The following NPTX1 variants were observed in gnomAD, a reference collection of about 807,000 sequenced individuals.
NPTX1 encodes the protein neuronal pentraxin-1.
In NPTX1, 12 loss-of-function variants were observed where a neutral mutation model predicts 38.7. That is an observed-to-expected ratio of 0.31 (90% CI 0.20 to 0.50). The LOEUF (loss-of-function observed/expected upper bound fraction) is 0.50, where lower values mean the gene tolerates loss of function less well. Ranked by LOEUF, NPTX1 falls within the 20% of genes least tolerant of loss-of-function variation. NPTX1 has a pLI of 0.98. For synonymous variants in NPTX1, 272 were observed against 264.9 expected (o/e 1.03, Z -0.26); for missense variants, 454 against 592.2 (o/e 0.77, Z 2.42).
chr17:80,476,234 G>A lies in NPTX1; in HGVS notation c.213C>T (p.Thr71=). 1 of 1,571,944 alleles carries A rather than the reference G, an allele frequency of 6.4e-7. No homozygotes were observed. Among genetic ancestry groups the A allele is most frequent in the Non-Finnish European group, 8.6e-7 (1 of 1,166,426 alleles). ...LRETVLQQKE[T]ILSQKETIRE... is the part of the protein sequence containing the mutation. ...GGATGGTCTCCTTCTGGCTCAGGATGGTCTCCTTCTGCTGCAGCACCGTCT... is the reference window on the plus strand; with the variant it reads ...GGATGGTCTCCTTCTGGCTCAGGATAGTCTCCTTCTGCTGCAGCACCGTCT... The change falls in exon 1 of 5, where the codon ACC becomes ACT. Residue 71 remains threonine, a synonymous_variant. Coordinates refer to ENST00000306773, the MANE Select transcript of NPTX1 (RefSeq NM_002522.4). This position sits in a 1 kb window ranked among gnomAD's most constrained non-coding sequence, Gnocchi z 6.3.
intron 2 of NPTX1, chr17:80,474,246 GC>G (rs2143047421): frequency 1.3e-5 from 2 of 152,292 alleles, no homozygotes; most frequent in East Asian, 3.9e-4. Flanking sequence ...CTCCCCACCG[GC>G]CACTTCTCCC....
chr17:80,473,336 G>C lies in NPTX1; in HGVS notation c.761C>G (p.Thr254Ser). The C allele has an allele frequency of 6.2e-7, 1 of 1,614,126 alleles. No individual in the cohort carries two copies. Among genetic ancestry groups the C allele is most frequent in the Non-Finnish European group, 8.5e-7 (1 of 1,180,032 alleles). The change falls in exon 3 of 5, where the codon ACT (threonine) becomes AGT (serine). Residue 254 changes from threonine to serine, a missense_variant. Coordinates refer to ENST00000306773, the MANE Select transcript of NPTX1 (RefSeq NM_002522.4). ...KKSLPEMYAF[T>S]VCMWLKSSAT... ...GCTGGACTTGAGCCACATGCAGACAGTGAAGGCGTACATCTCTGGCAGGCT... is the reference window on the plus strand; with the variant it reads ...GCTGGACTTGAGCCACATGCAGACACTGAAGGCGTACATCTCTGGCAGGCT...
chr17:80,469,275 G>A lies in NPTX1; in HGVS notation c.*1538C>T, dbSNP rs1321500490. 6.6e-6 allele frequency: 1 copy of A among 152,324 alleles called. No homozygotes were observed. Among genetic ancestry groups the A allele is most frequent in the Non-Finnish European group, 1.5e-5 (1 of 68,034 alleles). The allele number at this position is 152,324 out of a possible 1,614,324, so 9.4% of individuals were successfully genotyped here. On this transcript the variant is annotated 3_prime_UTR_variant, in exon 5 of 5. Coordinates refer to ENST00000306773, the MANE Select transcript of NPTX1 (RefSeq NM_002522.4). The stretch of plus-strand genomic sequence containing the variant: ...TGATGAGACTCCTGGAGACAGAGTC[G>A]GGGTGCCCTCAGGGCGTGCGACCAC...
At position 80,469,217 on chromosome 17, in the gene NPTX1, T is replaced by C. The variant is rs2083824467; in HGVS notation, c.*1596A>G. Reference sequence around the variant, plus strand: ...GCTGCAGCTGAGCCAGGCAGTGCAGTAGAATTTCTAGAAAGACTTGTCAGC... The same window carrying C: ...GCTGCAGCTGAGCCAGGCAGTGCAGCAGAATTTCTAGAAAGACTTGTCAGC... On this transcript the variant is annotated 3_prime_UTR_variant, in exon 5 of 5. Transcript: ENST00000306773. 1 of 152,416 alleles carries C rather than the reference T, an allele frequency of 6.6e-6. No individual in the cohort carries two copies. Among genetic ancestry groups the C allele is most frequent in the Admixed American group, 6.5e-5 (1 of 15,272 alleles). The allele number at this position is 152,416 out of a possible 1,614,324, so 9.4% of individuals were successfully genotyped here.
rs1441594819 is a variant in NPTX1, at chr17:80,470,276, C to T, written c.*537G>A. ...ACAAACCACTAAAAGACATTTATTA[C>T]ATCAATATAAAGATATGTCGCTCTG... On this transcript the variant is annotated 3_prime_UTR_variant, in exon 5 of 5. Coordinates refer to ENST00000306773, the MANE Select transcript of NPTX1 (RefSeq NM_002522.4). The T allele has an allele frequency of 6.6e-6, 1 of 152,298 alleles. No homozygotes were observed. Among genetic ancestry groups the T allele is most frequent in the African/African-American group, 2.4e-5 (1 of 41,408 alleles). The allele number at this position is 152,298 out of a possible 1,614,324, so 9.4% of individuals were successfully genotyped here. A position where few individuals can be genotyped will look rare whatever the true frequency, so the allele number is the denominator to read the frequency against.
intron 4 of NPTX1, 35 bp downstream of exon 4, chr17:80,471,697 C>T: frequency 6.3e-7 from 1 of 1,583,150 alleles, no homozygotes; most frequent in Non-Finnish European, 8.6e-7. Context: ...GGTTCTGAAG[C>T]TCTCTCCCCT....
Position 80,476,513 on chromosome 17 carries a change from G to A in NPTX1, c.-67C>T, listed in dbSNP as rs2083884422. 3.1e-6 allele frequency: 3 copies of A among 959,230 alleles called. No individual in the cohort carries two copies. The highest frequency in any genetic ancestry group is 3.8e-6 in the Non-Finnish European group (3 of 786,530). The allele number at this position is 959,230 out of a possible 1,614,324, so 59.4% of individuals were successfully genotyped here. A position where few individuals can be genotyped will look rare whatever the true frequency, so the allele number is the denominator to read the frequency against. ...TGGGGCTCGGCTCCGGCTGGGACCC[G>A]GCTCGGGCTGTGGCTCCGCGAGCGG... is the stretch of plus-strand genomic sequence containing the variant. On this transcript the variant is annotated 5_prime_UTR_variant, in exon 1 of 5. Coordinates refer to ENST00000306773, the MANE Select transcript of NPTX1 (RefSeq NM_002522.4). This position sits in a 1 kb window ranked among gnomAD's most constrained non-coding sequence, Gnocchi z 6.3.
In NPTX1 at chr17:80,470,633, G is replaced by A. The variant is rs1363245000; in HGVS notation, c.*180C>T. 1 of 555,216 alleles carries A rather than the reference G, an allele frequency of 1.8e-6. No homozygotes were observed. The highest frequency in any genetic ancestry group is 3.2e-6 in the Non-Finnish European group (1 of 310,066). 34.4% of individuals were successfully genotyped at this position (555,216 alleles called of 1,614,324 possible). ...GAGAAGTGGGGCTTCCTCAGGGACAGATGGGAGCAGGGGCTGCTTCGTGTG... is the reference window on the plus strand; with the variant it reads ...GAGAAGTGGGGCTTCCTCAGGGACAAATGGGAGCAGGGGCTGCTTCGTGTG... On this transcript the variant is annotated 3_prime_UTR_variant, in exon 5 of 5. Transcript: ENST00000306773.
chr17:80,470,096 C>T lies in NPTX1; in HGVS notation c.*717G>A, dbSNP rs1164867211. Reference sequence around the variant, plus strand: ...ACAGCAGGGATGGATGCTGTCTGGCCCTGGGGTAAGGGCCAGTGTCCTCAG... The same window carrying T: ...ACAGCAGGGATGGATGCTGTCTGGCTCTGGGGTAAGGGCCAGTGTCCTCAG... On this transcript the variant is annotated 3_prime_UTR_variant, in exon 5 of 5. Coordinates refer to ENST00000306773, the MANE Select transcript of NPTX1 (RefSeq NM_002522.4). The T allele has an allele frequency of 1.3e-5, 2 of 152,230 alleles. No individual in the cohort carries two copies. Among genetic ancestry groups the T allele is most frequent in the African/African-American group, 4.8e-5 (2 of 41,454 alleles). The allele number at this position is 152,230 out of a possible 1,614,324, so 9.4% of individuals were successfully genotyped here.
chr17:80,476,573 G>A lies in NPTX1; in HGVS notation c.-127C>T, dbSNP rs1237143281. 10 of 328,708 alleles carry A rather than the reference G, an allele frequency of 3.0e-5. No homozygotes were observed. Among genetic ancestry groups the A allele is most frequent in the Non-Finnish European group, 3.9e-5 (9 of 228,312 alleles). The allele number at this position is 328,708 out of a possible 1,614,324, so 20.4% of individuals were successfully genotyped here. A position where few individuals can be genotyped will look rare whatever the true frequency, so the allele number is the denominator to read the frequency against. ...TGGGCGCCGCGCTCTTCGGCCGCGC[G>A]GTCCACACCGCCGCGCTATCAGGCC... On this transcript the variant is annotated 5_prime_UTR_variant, in exon 1 of 5. Coordinates refer to ENST00000306773, the MANE Select transcript of NPTX1 (RefSeq NM_002522.4). The surrounding 1 kb of genome is among the most constrained non-coding windows in gnomAD (Gnocchi z 6.3).
At position 80,476,149 on chromosome 17, in the gene NPTX1, C is replaced by T. The variant is rs1308435044; in HGVS notation, c.298G>A (p.Gly100Ser). 1 of 1,594,470 alleles carries T rather than the reference C, an allele frequency of 6.3e-7. No homozygotes were observed. The highest frequency in any genetic ancestry group is 1.7e-5 in the Admixed American group (1 of 58,806). The change falls in exon 1 of 5, where the codon GGC becomes AGC. Residue 100 changes from glycine to serine, a missense_variant. By Grantham distance (56) the Gly-to-Ser change is moderately conservative. Transcript: ENST00000306773. The surrounding 1 kb of genome is among the most constrained non-coding windows in gnomAD (Gnocchi z 6.3). ...CGGCCGCCGCCCGCCCGGGCCTCGCCGGCTCCGGGGTCCAGCGTGCTCTGG... is the reference window on the plus strand; with the variant it reads ...CGGCCGCCGCCCGCCCGGGCCTCGCTGGCTCCGGGGTCCAGCGTGCTCTGG... ...ESQSTLDPGAGEARAGGGRKQ... is the reference protein window; with the variant it reads ...ESQSTLDPGASEARAGGGRKQ...
Position 80,475,848 on chromosome 17 carries a change from G to A in NPTX1, c.445-130C>T. Reference sequence around the variant, plus strand: ...TGGCAGGGAGCTGGGGCGAGTGGCCGCCGCGGGGCCTCGCAGGCGCGGGGA... The same window carrying A: ...TGGCAGGGAGCTGGGGCGAGTGGCCACCGCGGGGCCTCGCAGGCGCGGGGA... On this transcript the variant is annotated intron_variant, in intron 1 of 4. Coordinates refer to ENST00000306773, the MANE Select transcript of NPTX1 (RefSeq NM_002522.4). This position sits in a 1 kb window ranked among gnomAD's most constrained non-coding sequence, Gnocchi z 6.5. The A allele has an allele frequency of 3.6e-6, 3 of 837,350 alleles. No homozygotes were observed. The highest frequency in any genetic ancestry group is 5.0e-6 in the Non-Finnish European group (3 of 594,706). 51.9% of individuals were successfully genotyped at this position (837,350 alleles called of 1,614,324 possible). A position where few individuals can be genotyped will look rare whatever the true frequency, so the allele number is the denominator to read the frequency against.
intron 2 of NPTX1, 94 bp from the exon 3 acceptor site, chr17:80,473,538 G>A: frequency 1.6e-6 from 2 of 1,277,924 alleles, no homozygotes; most frequent in Non-Finnish European, 2.2e-6. Context: ...GTGATGCGTG[G>A]CCAGGGCAGG....
chr17:80,475,945 G>A lies in NPTX1; in HGVS notation c.444+58C>T. ...CTGGCCGGGTAGGGAACGGGGTGGG[G>A]GAGGGCAGAGGGGCGAGCGAGCCGG... On this transcript the variant is annotated intron_variant, in intron 1 of 4. Coordinates refer to ENST00000306773, the MANE Select transcript of NPTX1 (RefSeq NM_002522.4). The surrounding 1 kb of genome is among the most constrained non-coding windows in gnomAD (Gnocchi z 6.5). 1 of 1,413,548 alleles carries A rather than the reference G, an allele frequency of 7.1e-7. No homozygotes were observed. Among genetic ancestry groups the A allele is most frequent in the South Asian group, 1.2e-5 (1 of 85,290 alleles). The allele number at this position is 1,413,548 out of a possible 1,614,324, so 87.6% of individuals were successfully genotyped here.
Position 80,470,845 on chromosome 17 carries a change from A to C in NPTX1, c.1267T>G (p.Trp423Gly). The C allele has an allele frequency of 6.2e-7, 1 of 1,604,090 alleles. No individual in the cohort carries two copies. Among genetic ancestry groups the C allele is most frequent in the African/African-American group, 1.3e-5 (1 of 74,906 alleles). Residue 423 changes from tryptophan to glycine, a missense_variant, in exon 5 of 5, where the codon TGG (tryptophan) becomes GGG (glycine). Coordinates refer to ENST00000306773, the MANE Select transcript of NPTX1 (RefSeq NM_002522.4). ...HIEIYGGATK[W>G]TFEACRQIN Reference sequence around the variant, plus strand: ...ATCTGGCGACAGGCCTCGAAGGTCCACTTGGTGGCCCCTCCGTAGATCTCG... The same window carrying C: ...ATCTGGCGACAGGCCTCGAAGGTCCCCTTGGTGGCCCCTCCGTAGATCTCG...
rs75572645 is a variant in NPTX1, at chr17:80,468,324, G to A, written c.*2489C>T. 9.8e-3 allele frequency: 1,496 copies of A among 152,972 alleles called. 16 individuals are homozygous for A. Among genetic ancestry groups the A allele is most frequent in the Non-Finnish European group, 0.017 (1,148 of 68,364 alleles). 9.5% of individuals were successfully genotyped at this position (152,972 alleles called of 1,614,324 possible). On this transcript the variant is annotated 3_prime_UTR_variant, in exon 5 of 5. Transcript: ENST00000306773. ...CGGGCCAGGAGGCTGCAGGGGTGGA[G>A]GCGTAAGCACTGGGGTGTGCTCTGC...
Position 80,471,872 on chromosome 17 carries a change from G to C in NPTX1, c.937C>G (p.His313Asp). 6.2e-7 allele frequency: 1 copy of C among 1,613,168 alleles called. No homozygotes were observed. Among genetic ancestry groups the C allele is most frequent in the Non-Finnish European group, 8.5e-7 (1 of 1,179,766 alleles). ...GTGGTCCAGGTGACACAGATGTGGTGCCACTTGCCATCATTGATGACAAAA... is the reference window on the plus strand; with the variant it reads ...GTGGTCCAGGTGACACAGATGTGGTCCCACTTGCCATCATTGATGACAAAA... ...LPFVINDGKW[H>D]HICVTWTTRD... The change falls in exon 4 of 5, where the codon CAC becomes GAC. Residue 313 changes from histidine (H) to aspartate (D), a missense_variant. His to Asp is a moderately conservative substitution (Grantham distance 81). This residue lies in a region of NPTX1 where 110 missense variants were observed against 197.5 expected (regional missense o/e 0.56). Transcript: ENST00000306773.
chr17:80,471,945 G>A (rs1316786554), intron 3 of NPTX1, 34 bp from the exon 4 acceptor site: 14 of 1,567,390 alleles, frequency 8.9e-6, no homozygotes, highest in Non-Finnish European at 1.2e-5. Flanking sequence ...CAGCTGGTGA[G>A]TACAGGGGTA....
chr17:80,471,685 C>A (rs755266954), intron 4 of NPTX1, 47 bp downstream of exon 4: 1 of 1,573,126 alleles, frequency 6.4e-7, no homozygotes, highest in Non-Finnish European at 8.6e-7. Context: ...TTCCCAGCCT[C>A]TGGTTCTGAA....
Sources: allele counts gnomAD v4.1 joint callset, GRCh38; gene constraint gnomAD v4.1.1; regional missense constraint gnomAD v4.1.1; non-coding constraint Gnocchi (gnomAD v3.1); transcripts MANE v1.5; gene names NCBI Gene and HGNC (gene_info 2026-07-23, HGNC 2026-07-21).